Variants in PCLO observed in about 807,000 individuals in gnomAD.
PCLO encodes piccolo presynaptic cytomatrix protein.
A neutral mutation model predicts 427.5 loss-of-function variants in PCLO; 82 were observed. The ratio of observed to expected loss-of-function variants is 0.19; its 90% CI spans 0.16 to 0.23. The LOEUF (loss-of-function observed/expected upper bound fraction) is 0.23, where lower values mean the gene tolerates loss of function less well. PCLO is among the 10% of genes least tolerant of loss of function. The pLI is 1.00. For synonymous variants in PCLO, 2,357 were observed against 2,155.4 expected (o/e 1.09, Z -2.59); for missense variants, 6,239 against 6,115.9 (o/e 1.02, Z -0.67).
Position 83,134,374 on chromosome 7 carries a change from C to A in PCLO, c.3176G>T (p.Cys1059Phe), listed in dbSNP as rs779314688. 6.2e-7 allele frequency: 1 copy of A among 1,613,628 alleles called. No homozygotes were observed. The highest frequency in any genetic ancestry group is 1.1e-5 in the South Asian group (1 of 91,020). The change falls in exon 3 of 25, where the codon TGT (cysteine) becomes TTT (phenylalanine). Residue 1059 changes from cysteine (C) to phenylalanine (F), a missense_variant. Cys to Phe is a radical substitution (Grantham distance 205). Coordinates refer to ENST00000333891, the MANE Select transcript of PCLO (RefSeq NM_033026.6). ...GTTGAGTTCAGTTTTGCAGAGAGGA[C>A]AGGTTGATTCTGGTTTGGGCGATTT... ...LEKSPKPEST[C>F]PLCKTELNIG...
At position 83,070,451 on chromosome 7, in the gene PCLO, G is replaced by A. The variant is rs566300383; in HGVS notation, c.3300+63799C>T. Among the ~76,000 whole-genome samples, 40 of 149,512 alleles carry A rather than the reference G, an allele frequency of 2.7e-4. 1 individual carries two copies. In the South Asian group the frequency reaches 8.4e-3, roughly 31 times the overall value. On this transcript the variant is annotated intron_variant, in intron 3 of 24. Transcript: ENST00000333891. The stretch of plus-strand genomic sequence containing the variant: ...CACCCAGGCTAGAGTGCAGTGGCGT[G>A]ATCTCAGCTCAGTGCAAGCTCTGCC...
intron 3 of PCLO, among the ~76,000 whole-genome samples, chr7:83,029,278 A>AC (rs1205543476): frequency 6.6e-6 from 1 of 151,262 alleles, no homozygotes; most frequent in Admixed American, 6.6e-5. Context: ...AAAAAAAACA[A>AC]CCCCATCAAA....
intron 12 of PCLO, 110 bp downstream of exon 12, chr7:82,846,457 T>C: frequency 1.5e-6 from 1 of 671,518 alleles, no homozygotes; most frequent in East Asian, 2.9e-5. Flanking sequence ...TTTATATTTG[T>C]CTATATCTGT....
chr7:82,901,077 T>C (rs1469813433), intron 9 of PCLO, among the ~76,000 whole-genome samples: 1 of 151,906 alleles, frequency 6.6e-6, no homozygotes, highest in East Asian at 1.9e-4. Flanking sequence ...CCAGTGACTG[T>C]ATTTCTTAAT....
chr7:83,087,808 A>G (rs1430090175), intron 3 of PCLO, among the ~76,000 whole-genome samples: 5 of 152,182 alleles, frequency 3.3e-5, no homozygotes, highest in Non-Finnish European at 7.3e-5. Context: ...CTCAAAAAAT[A>G]TATTTGCTTA....
Position 82,965,986 on chromosome 7 carries a change from G to C in PCLO, c.3802C>G (p.Gln1268Glu). The change falls in exon 4 of 25, where the codon CAA becomes GAA. Residue 1268 changes from glutamine (Q) to glutamate (E), a missense_variant. This residue lies in a region of PCLO where 4,677 missense variants were observed against 4,468.4 expected (regional missense o/e 1.05). Coordinates refer to ENST00000333891, the MANE Select transcript of PCLO (RefSeq NM_033026.6). ...AGCTTTTCTTCAGCAATTTGTACTT[G>C]AGATTTAAGTAAGTCATGTTTCTGT... is the stretch of plus-strand genomic sequence containing the variant. ...EEQKHDLLKS[Q>E]VQIAEEKLEG... 6.2e-7 allele frequency: 1 copy of C among 1,613,768 alleles called. No individual in the cohort carries two copies. The highest frequency in any genetic ancestry group is 8.5e-7 in the Non-Finnish European group (1 of 1,179,844).
chr7:82,951,321 GACA>G lies in PCLO; in HGVS notation c.9264_9266del (p.Val3089del), dbSNP rs1297556438. 6.2e-7 allele frequency: 1 copy of G among 1,612,054 alleles called. No homozygotes were observed. The highest frequency in any genetic ancestry group is 8.5e-7 in the Non-Finnish European group (1 of 1,179,040). On this transcript the variant is annotated inframe_deletion, in exon 6 of 25. Coordinates refer to ENST00000333891, the MANE Select transcript of PCLO (RefSeq NM_033026.6). Reference sequence around the variant, plus strand: ...GTGTTGGAGTTGCTACTGAAGAATAGACAACACCATTAGATGACCTCAAAACAC... The same window carrying G: ...GTGTTGGAGTTGCTACTGAAGAATAGACACCATTAGATGACCTCAAAACAC...
intron 3 of PCLO, among the ~76,000 whole-genome samples, chr7:83,018,267 AAG>A (rs1362486493): frequency 2.6e-5 from 4 of 152,056 alleles, no homozygotes; most frequent in African/African-American, 4.8e-5. Context: ...TTAAGTGAAA[AAG>A]AGAAAATATA....
At chr7:82,803,209 T>C (rs1321420609) in intron 21 of PCLO, among the ~76,000 whole-genome samples, 2 of 152,120 alleles carry the variant, frequency 1.3e-5, no homozygotes, top group African/African-American at 2.4e-5. Context: ...GCAGTAATCT[T>C]ACTTTTATCA....
Position 82,756,559 on chromosome 7 carries a change from G to C in PCLO, c.*2016C>G, listed in dbSNP as rs1790323887. 1.3e-5 allele frequency: 2 copies of C among 151,270 alleles called. No individual in the cohort carries two copies. The highest frequency in any genetic ancestry group is 1.3e-4 in the Admixed American group (2 of 15,164). 9.4% of individuals were successfully genotyped at this position (151,270 alleles called of 1,614,324 possible). On this transcript the variant is annotated 3_prime_UTR_variant, in exon 25 of 25. Coordinates refer to ENST00000333891, the MANE Select transcript of PCLO (RefSeq NM_033026.6). Reference sequence around the variant, plus strand: ...AGTCATATATATATATATATATCCTGGGATATATTAGAAATTCTCTTATTT... The same window carrying C: ...AGTCATATATATATATATATATCCTCGGATATATTAGAAATTCTCTTATTT...
intron 21 of PCLO, among the ~76,000 whole-genome samples, chr7:82,804,679 A>G (rs1460653235): frequency 6.6e-6 from 1 of 152,158 alleles, no homozygotes; most frequent in South Asian, 2.1e-4. Flanking sequence ...CAAAAGCAGC[A>G]TCAGGCAACA....
rs1323608987 is a variant in PCLO, at chr7:82,758,374, T to A, written c.*201A>T. The A allele has an allele frequency of 4.5e-6, 2 of 442,394 alleles. No homozygotes were observed. Among genetic ancestry groups the A allele is most frequent in the Non-Finnish European group, 8.0e-6 (2 of 250,054 alleles). 27.4% of individuals were successfully genotyped at this position (442,394 alleles called of 1,614,324 possible). ...GGTCTCAGAACTCCATTCTTCTTGT[T>A]TTCAGTATGTGAACTTTTTCAGTTG... is the stretch of plus-strand genomic sequence containing the variant. On this transcript the variant is annotated 3_prime_UTR_variant, in exon 25 of 25. Transcript: ENST00000333891.
chr7:83,047,018 T>C (rs980727862), intron 3 of PCLO, among the ~76,000 whole-genome samples: 2 of 152,036 alleles, frequency 1.3e-5, no homozygotes, highest in Non-Finnish European at 2.9e-5. Context: ...TAACCTGTTC[T>C]TTCTTATCTT....
intron 9 of PCLO, among the ~76,000 whole-genome samples, chr7:82,884,098 T>C (rs1793574859): frequency 6.6e-6 from 1 of 152,180 alleles, no homozygotes; most frequent in Admixed American, 6.5e-5. Flanking sequence ...ATATCCTTTA[T>C]GTACATGAAA....
chr7:82,776,278 G>A (rs1340685713), intron 22 of PCLO, among the ~76,000 whole-genome samples: 6 of 152,088 alleles, frequency 3.9e-5, no homozygotes, highest in African/African-American at 1.4e-4. Context: ...TATCCAATAC[G>A]CAAAATAATG....
rs76557035 is a variant in PCLO, at chr7:83,110,338, T to C, written c.3300+23912A>G. On this transcript the variant is annotated intron_variant, in intron 3 of 24. Coordinates refer to ENST00000333891, the MANE Select transcript of PCLO (RefSeq NM_033026.6). ...TAATAAAAAGATTTGTAACAATTTA[T>C]AATACAGCTATTAATATGTCAATTT... 2.7e-4 allele frequency among the ~76,000 whole-genome samples: 41 copies of C among 152,228 alleles called. No homozygotes were observed. The East Asian group carries it at 7.3e-3, about 27-fold the overall frequency.
intron 3 of PCLO, among the ~76,000 whole-genome samples, chr7:82,973,089 G>A (rs1405096227): frequency 6.6e-6 from 1 of 151,744 alleles, no homozygotes; most frequent in African/African-American, 2.4e-5. Flanking sequence ...ATTCACAGTT[G>A]ACACATTCTT....
intron 20 of PCLO, chr7:82,821,815 T>C (rs1791799143): frequency 5.1e-6 from 5 of 981,972 alleles, no homozygotes; most frequent in African/African-American, 3.5e-5. Flanking sequence ...CCTTATCACA[T>C]ATGCTTATAC....
intron 3 of PCLO, among the ~76,000 whole-genome samples, chr7:83,109,872 T>C (rs1477752576): frequency 6.6e-6 from 1 of 151,956 alleles, no homozygotes; most frequent in Non-Finnish European, 1.5e-5. Flanking sequence ...ATTTTAATGG[T>C]TTCATAACAT....
Sources: gnomAD v4.1 joint callset for allele counts (sites outside exome capture counted in the v4.1 genomes callset) on GRCh38, gnomAD v4.1.1 for gene constraint, gnomAD v4.1.1 regional missense constraint, MANE v1.5 for transcripts, NCBI Gene and HGNC (gene_info 2026-07-23, HGNC 2026-07-21) for gene names.